DNMT3B: variants seen among roughly 807,000 people sequenced by gnomAD.
DNMT3B encodes DNA (cytosine-5)-methyltransferase 3B.
Under a neutral mutation model 120.2 loss-of-function variants are expected in DNMT3B, and 37 were observed. The ratio of observed to expected loss-of-function variants is 0.31; its 90% CI spans 0.24 to 0.40. The LOEUF (loss-of-function observed/expected upper bound fraction) is 0.40, where lower values mean the gene tolerates loss of function less well. Among genes scored for constraint, DNMT3B ranks in the 10% least tolerant of loss-of-function variants. The pLI is 1.00. For missense variants in DNMT3B, 878 were observed against 1,137.3 expected, an observed-to-expected ratio of 0.77 and a Z score of 3.28; for synonymous variants, 412 against 442.8, an observed-to-expected ratio of 0.93 and a Z score of 0.87.
chr20:32,784,640 G>A, intron 3 of DNMT3B, 118 bp from the exon 4 acceptor site: 1 of 1,086,504 alleles, frequency 9.2e-7, no homozygotes, highest in Non-Finnish European at 1.4e-6. Context: ...GTTGTGATGA[G>A]TGACCCGGTC....
intron 10 of DNMT3B, among the ~76,000 whole-genome samples, chr20:32,794,909 A>G (rs1224788629): frequency 6.6e-6 from 1 of 152,356 alleles, no homozygotes; most frequent in Non-Finnish European, 1.5e-5. Context: ...TAGATGGTTA[A>G]ACACAAATTA....
Position 32,781,212 on chromosome 20 carries a change from A to T in DNMT3B, c.143-141A>T, listed in dbSNP as rs1455366723. 15 of 833,992 alleles carry T rather than the reference A, an allele frequency of 1.8e-5. No individual in the cohort carries two copies. In the Admixed American group the frequency reaches 3.0e-4, roughly 17 times the overall value. 51.7% of individuals were successfully genotyped at this position (833,992 alleles called of 1,614,324 possible). ...TGGAGAAGATGAACGATACTGACGG[A>T]CTGAGAGCAAATCCCTGTGGCTGAC... On this transcript the variant is annotated intron_variant, in intron 2 of 22. Transcript: ENST00000328111.
rs559662934 is a variant in DNMT3B, at chr20:32,801,341, G to A, written c.2060G>A (p.Gly687Asp). The change falls in exon 19 of 23, where the codon GGT becomes GAT. Residue 687 changes from glycine (G) to aspartate (D), a missense_variant. Physicochemically the swap from Gly to Asp is moderately conservative, Grantham distance 94. Transcript: ENST00000328111. ...CTGAATTACTCACGCCCCAAGGAGG[G>A]TGATGACCGGCCGTTCTTCTGGATG... The part of the protein sequence containing the change: ...HLLNYSRPKE[G>D]DDRPFFWMFE... 6.2e-7 allele frequency: 1 copy of A among 1,614,174 alleles called. No homozygotes were observed. Among genetic ancestry groups the A allele is most frequent in the Admixed American group, 1.7e-5 (1 of 60,008 alleles).
In DNMT3B at chr20:32,770,685, T is replaced by C. The variant is rs556415606; in HGVS notation, c.-7+7986T>C. 1.0e-3 allele frequency among the ~76,000 whole-genome samples: 151 copies of C among 151,388 alleles called. 1 individual carries two copies. The highest frequency in any genetic ancestry group is 1.7e-3 in the Non-Finnish European group (115 of 67,850). On this transcript the variant is annotated intron_variant, in intron 1 of 22. Coordinates refer to ENST00000328111, the MANE Select transcript of DNMT3B (RefSeq NM_006892.4). Reference sequence around the variant, plus strand: ...TGGAGTGCAATGGCATGATCTTGGTTCACCACAACCTCCGCCTCCCGGGTT... The same window carrying C: ...TGGAGTGCAATGGCATGATCTTGGTCCACCACAACCTCCGCCTCCCGGGTT...
intron 1 of DNMT3B, among the ~76,000 whole-genome samples, chr20:32,775,017 T>G (rs1987998546): frequency 6.6e-6 from 1 of 152,020 alleles, no homozygotes; most frequent in Non-Finnish European, 1.5e-5. Flanking sequence ...CCACCGCGCC[T>G]GGCCTAATTT....
At chr20:32,776,186 G>A (rs948602966) in intron 1 of DNMT3B, among the ~76,000 whole-genome samples, 3 of 151,372 alleles carry the variant, frequency 2.0e-5, no homozygotes, top group South Asian at 2.1e-4. Context: ...CCGAGATCGC[G>A]CCACTGCACT....
chr20:32,803,937 G>A (rs1466925993), intron 20 of DNMT3B, among the ~76,000 whole-genome samples: 1 of 152,144 alleles, frequency 6.6e-6, no homozygotes, highest in African/African-American at 2.4e-5. Context: ...GGATGGAGGC[G>A]GGAATGGGGA....
At chr20:32,795,196 T>C (rs1980455709) in intron 10 of DNMT3B, among the ~76,000 whole-genome samples, 2 of 152,190 alleles carry the variant, frequency 1.3e-5, no homozygotes, top group African/African-American at 4.8e-5. Flanking sequence ...ATTTAAAACC[T>C]TGTAAACATG....
At chr20:32,781,243 T>C (rs1032660063) in intron 2 of DNMT3B, 110 bp from the exon 3 acceptor site, 3 of 1,047,452 alleles carry the variant, frequency 2.9e-6, no homozygotes, top group Non-Finnish European at 4.4e-6. Context: ...CTGACAATAG[T>C]GTAGGGGAGA....
intron 8 of DNMT3B, 132 bp from the exon 9 acceptor site, chr20:32,792,494 A>T: frequency 6.7e-7 from 1 of 1,482,526 alleles, no homozygotes; most frequent in Admixed American, 1.8e-5. Context: ...ACCACAGCCC[A>T]GGACAGCTGT....
chr20:32,796,656 A>G (rs1029501414), intron 12 of DNMT3B, 134 bp from the exon 13 acceptor site: 5 of 903,620 alleles, frequency 5.5e-6, no homozygotes, highest in Admixed American at 1.9e-5. Context: ...GCTGTGAGGC[A>G]TGGCCTGAGG....
chr20:32,773,395 G>A (rs1214586477), intron 1 of DNMT3B, among the ~76,000 whole-genome samples: 3 of 152,242 alleles, frequency 2.0e-5, no homozygotes, highest in Non-Finnish European at 2.9e-5. Context: ...TTCCCCAAAC[G>A]CATTCTGAAT....
At chr20:32,805,230 G>T in intron 20 of DNMT3B, 108 bp from the exon 21 acceptor site, 4 of 1,360,764 alleles carry the variant, frequency 2.9e-6, no homozygotes, top group Non-Finnish European at 4.2e-6. Context: ...TTGTAGCCAA[G>T]TTCACTGCCA....
At position 32,808,040 on chromosome 20, in the gene DNMT3B, AG is replaced by A; in HGVS notation, c.*138del. The A allele has an allele frequency of 2.7e-6, 4 of 1,467,278 alleles. No individual in the cohort carries two copies. The Middle Eastern group carries it at 7.1e-4, about 260-fold the overall frequency. The allele number at this position is 1,467,278 out of a possible 1,614,324, so 90.9% of individuals were successfully genotyped here. On this transcript the variant is annotated 3_prime_UTR_variant, in exon 23 of 23. Coordinates refer to ENST00000328111, the MANE Select transcript of DNMT3B (RefSeq NM_006892.4). ...CGTGTACCTCAGTTCCCTCTTGCTC[AG>A]TGGGGGCAGAGCCACCTGACTCTTG...
intron 2 of DNMT3B, 119 bp from the exon 3 acceptor site, chr20:32,781,234 T>A: frequency 1.0e-6 from 1 of 978,384 alleles, no homozygotes; most frequent in Non-Finnish European, 1.6e-6. Flanking sequence ...TCCCTGTGGC[T>A]GACAATAGTG....
At chr20:32,791,324 C>G (rs929138905) in intron 7 of DNMT3B, among the ~76,000 whole-genome samples, 1 of 152,166 alleles carries the variant, frequency 6.6e-6, no homozygotes, top group Non-Finnish European at 1.5e-5. Context: ...ACACAGGGTT[C>G]GCCTAATTGC....
rs929086466 is a variant in DNMT3B, at chr20:32,791,586, G to A, written c.814-15G>A. On this transcript the variant is annotated splice_polypyrimidine_tract_variant and intron_variant, in intron 7 of 22. Coordinates refer to ENST00000328111, the MANE Select transcript of DNMT3B (RefSeq NM_006892.4). Reference sequence around the variant, plus strand: ...ACACCTGTAGGTGGATGTTGATGATGTCTTTCTCTTTTAGGTCTCTGCAGA... The same window carrying A: ...ACACCTGTAGGTGGATGTTGATGATATCTTTCTCTTTTAGGTCTCTGCAGA... The A allele has an allele frequency of 6.2e-7, 1 of 1,613,916 alleles. No individual in the cohort carries two copies. Among genetic ancestry groups the A allele is most frequent in the Non-Finnish European group, 8.5e-7 (1 of 1,179,824 alleles).
intron 1 of DNMT3B, among the ~76,000 whole-genome samples, chr20:32,775,150 A>G (rs995827997): frequency 6.6e-6 from 1 of 152,146 alleles, no homozygotes; most frequent in Non-Finnish European, 1.5e-5. Context: ...GAGCCACTGC[A>G]CCTGGCCCTA....
chr20:32,795,766 C>T (rs570887521), intron 12 of DNMT3B, 72 bp downstream of exon 12: 5 of 1,586,366 alleles, frequency 3.2e-6, no homozygotes, highest in East Asian at 4.5e-5. Context: ...TGTCCTGGCT[C>T]ATCCACCCTG....
Sources: gnomAD v4.1 joint callset for allele counts (sites outside exome capture counted in the v4.1 genomes callset) on GRCh38, gnomAD v4.1.1 for gene constraint, MANE v1.5 for transcripts, NCBI Gene and HGNC (gene_info 2026-07-23, HGNC 2026-07-21) for gene names.